The following TRPM3 variants were observed in gnomAD, a reference collection of about 807,000 sequenced individuals.
TRPM3 encodes the protein transient receptor potential cation channel subfamily M member 3.
In TRPM3, 77 loss-of-function variants were observed where a neutral mutation model predicts 181.2. That is an observed-to-expected ratio of 0.42 (90% CI 0.35 to 0.51). The LOEUF is 0.51. Among genes scored for constraint, TRPM3 ranks in the 20% least tolerant of loss-of-function variants. The pLI is 0.01. For missense variants in TRPM3, 1,759 were observed against 2,196.7 expected, an observed-to-expected ratio of 0.80 and a Z score of 3.98; for synonymous variants, 745 against 796.4, an observed-to-expected ratio of 0.94 and a Z score of 1.09.
At chr9:71,232,585 C>G (rs2081129518) in intron 1 of TRPM3, among the ~76,000 whole-genome samples, 3 of 147,956 alleles carry the variant, frequency 2.0e-5, no homozygotes, top group South Asian at 2.1e-4. Flanking sequence ...ACTGCAACCT[C>G]CGCCTCCCAG....
At chr9:70,694,605 C>T (rs1022127421) in intron 8 of TRPM3, among the ~76,000 whole-genome samples, 24 of 152,116 alleles carry the variant, frequency 1.6e-4, no homozygotes, top group Non-Finnish European at 3.4e-4. Context: ...CTCAGCCTCC[C>T]GAGTAGCTGG....
At chr9:71,390,906 G>C (rs943954977) in intron 1 of TRPM3, among the ~76,000 whole-genome samples, 1 of 151,854 alleles carries the variant, frequency 6.6e-6, no homozygotes, top group African/African-American at 2.4e-5. Flanking sequence ...AGTGAGTGTG[G>C]GGAAAATTAT....
intron 1 of TRPM3, among the ~76,000 whole-genome samples, chr9:71,365,990 C>A (rs1321985022): frequency 6.6e-6 from 1 of 151,914 alleles, no homozygotes; most frequent in Non-Finnish European, 1.5e-5. Flanking sequence ...GGGAGGGGTG[C>A]ATGTTAGGTA....
chr9:71,190,990 T>C (rs1476810536), intron 1 of TRPM3, among the ~76,000 whole-genome samples: 3 of 151,900 alleles, frequency 2.0e-5, no homozygotes, highest in Non-Finnish European at 2.9e-5. Flanking sequence ...GAGCATTTAC[T>C]ATATAAACAC....
chr9:71,044,633 A>T (rs1460034436), intron 1 of TRPM3, among the ~76,000 whole-genome samples: 5 of 152,176 alleles, frequency 3.3e-5, no homozygotes, highest in African/African-American at 1.2e-4. Flanking sequence ...ATTTAAGATG[A>T]TCTATTATCT....
At chr9:71,439,282 C>A (rs2094096528) in intron 1 of TRPM3, among the ~76,000 whole-genome samples, 1 of 152,196 alleles carries the variant, frequency 6.6e-6, no homozygotes, top group Admixed American at 6.5e-5. Context: ...AACAACATCT[C>A]CTGTCAAACA....
Position 70,784,204 on chromosome 9 carries a change from TA to T in TRPM3, c.1048del (p.Tyr350ThrfsTer35). 6.2e-7 allele frequency: 1 copy of T among 1,613,626 alleles called. No homozygotes were observed. The highest frequency in any genetic ancestry group is 8.5e-7 in the Non-Finnish European group (1 of 1,179,788). ...GPNVISIVLE[Y>X]LRDTPPVPVV... ...TGGCACGGGAGGGGTGTCTCGAAGGTACTCCAAAACAATCGAGATCACATTG... is the reference window on the plus strand; with the variant it reads ...TGGCACGGGAGGGGTGTCTCGAAGGTCTCCAAAACAATCGAGATCACATTG... On this transcript the variant is annotated frameshift_variant, in exon 7 of 26. Coordinates refer to ENST00000677713, the MANE Select transcript of TRPM3 (RefSeq NM_001366145.2). LOFTEE classifies it high-confidence loss of function.
At chr9:70,812,109 T>C (rs1046633112) in intron 6 of TRPM3, among the ~76,000 whole-genome samples, 2 of 152,198 alleles carry the variant, frequency 1.3e-5, no homozygotes, top group Non-Finnish European at 2.9e-5. Context: ...GAGGACCCCA[T>C]GAGTATGAAC....
intron 1 of TRPM3, among the ~76,000 whole-genome samples, chr9:71,147,269 A>G (rs79366982): frequency 0.025 from 3,814 of 152,248 alleles, 152 homozygotes; most frequent in African/African-American, 0.087. Flanking sequence ...CCTTCATTGA[A>G]CAAACATTTG....
intron 1 of TRPM3, among the ~76,000 whole-genome samples, chr9:71,344,500 A>T (rs772581845): frequency 3.9e-5 from 6 of 152,168 alleles, no homozygotes; most frequent in Non-Finnish European, 8.8e-5. Flanking sequence ...TACTAAATCT[A>T]CTAGGGAAAA....
At chr9:71,411,471 A>G (rs1331495264) in intron 1 of TRPM3, among the ~76,000 whole-genome samples, 2 of 152,230 alleles carry the variant, frequency 1.3e-5, no homozygotes, top group South Asian at 2.1e-4. Flanking sequence ...TGACAAAGAG[A>G]GCCAAAACTT....
intron 7 of TRPM3, chr9:70,775,885 G>A (rs2081266411): frequency 6.6e-6 from 1 of 151,938 alleles, no homozygotes; most frequent in South Asian, 2.1e-4. Flanking sequence ...GTTTTGATAT[G>A]TGTATACACT....
chr9:71,087,570 C>A (rs944289373), intron 1 of TRPM3, among the ~76,000 whole-genome samples: 2 of 152,052 alleles, frequency 1.3e-5, no homozygotes, highest in Non-Finnish European at 2.9e-5. Context: ...TAGAACCCAG[C>A]AGTGAAACTG....
At chr9:70,874,915 G>A (rs967718780) in intron 1 of TRPM3, among the ~76,000 whole-genome samples, 5 of 151,648 alleles carry the variant, frequency 3.3e-5, no homozygotes, top group Non-Finnish European at 5.9e-5. Context: ...TATTATATAT[G>A]CACACCATTT....
At chr9:71,011,798 T>TC (rs2097745510) in intron 1 of TRPM3, among the ~76,000 whole-genome samples, 1 of 148,770 alleles carries the variant, frequency 6.7e-6, no homozygotes, top group Admixed American at 6.8e-5. Context: ...TTGTTTTTTT[T>TC]CAGACAGTAT....
At chr9:70,663,185 C>T (rs913337717) in intron 9 of TRPM3, among the ~76,000 whole-genome samples, 1 of 152,044 alleles carries the variant, frequency 6.6e-6, no homozygotes. Context: ...GGGAACTAAA[C>T]TATGAGGATG....
At chr9:71,024,538 G>T (rs1268671191) in intron 1 of TRPM3, among the ~76,000 whole-genome samples, 2 of 152,152 alleles carry the variant, frequency 1.3e-5, no homozygotes, top group African/African-American at 4.8e-5. Flanking sequence ...TCTTACGAGT[G>T]TGAGCTCTAA....
intron 1 of TRPM3, among the ~76,000 whole-genome samples, chr9:71,414,892 T>G (rs2093613618): frequency 1.3e-5 from 2 of 152,044 alleles, no homozygotes; most frequent in African/African-American, 4.8e-5. Flanking sequence ...GCAGGCTTCA[T>G]TTTTTTAGGT....
intron 25 of TRPM3, among the ~76,000 whole-genome samples, chr9:70,537,712 T>TA (rs1214918184): frequency 6.6e-6 from 1 of 152,152 alleles, no homozygotes; most frequent in Non-Finnish European, 1.5e-5. Flanking sequence ...AAAAAGGCAC[T>TA]AAAATGGAAC....
Sources: allele counts gnomAD v4.1 joint callset (sites outside exome capture counted in the v4.1 genomes callset), GRCh38; gene constraint gnomAD v4.1.1; transcripts MANE v1.5; gene names NCBI Gene and HGNC (gene_info 2026-07-23, HGNC 2026-07-21).